The following TTC23L variants were observed in gnomAD, a reference collection of about 807,000 sequenced individuals.
The protein encoded by TTC23L is tetratricopeptide repeat domain 23 like.
A neutral mutation model predicts 48.1 loss-of-function variants in TTC23L; 42 were observed. That is an observed-to-expected ratio of 0.87 (90% CI 0.68 to 1.13). TTC23L has a LOEUF of 1.13. Among genes scored for constraint, TTC23L ranks in the 50% most tolerant of loss-of-function variants. TTC23L has a pLI of 0.00. For synonymous variants in TTC23L, 159 were observed against 157.2 expected, an observed-to-expected ratio of 1.01 and a Z score of -0.09; for missense variants, 391 against 421.0, an observed-to-expected ratio of 0.93 and a Z score of 0.62.
the TTC23L span, chr5:34,905,393 CT>C: frequency 6.6e-6 from 1 of 152,160 alleles, no homozygotes; most frequent in African/African-American, 2.4e-5. Flanking sequence ...ACATTCTGCC[CT>C]TTTAGCAATT....
At chr5:34,876,695 A>G (rs568003428) in intron 8 of TTC23L, among the ~76,000 whole-genome samples, 94 of 152,336 alleles carry the variant, frequency 6.2e-4, no homozygotes, top group African/African-American at 2.1e-3. Context: ...CAAAAGATAG[A>G]AGCAGAGTAG....
the TTC23L span, among the ~76,000 whole-genome samples, chr5:34,912,269 A>G: frequency 6.6e-6 from 1 of 152,192 alleles, no homozygotes; most frequent in African/African-American, 2.4e-5. Context: ...AACTTTTCCA[A>G]CTGGGAGATA....
At chr5:34,867,441 A>C (rs1761149823) in intron 7 of TTC23L, 1 of 237,982 alleles carries the variant, frequency 4.2e-6, no homozygotes, top group Admixed American at 5.1e-5. Context: ...ATGAAAAATC[A>C]TGGTATTTTA....
At chr5:34,850,097 G>A (rs1338411503) in intron 3 of TTC23L, 88 bp from the exon 4 acceptor site, 1 of 1,432,800 alleles carries the variant, frequency 7.0e-7, no homozygotes, top group African/African-American at 1.4e-5. Flanking sequence ...GATGACAGGT[G>A]AATTCAGTCC....
At chr5:34,849,318 T>TA (rs1361481189) in intron 3 of TTC23L, among the ~76,000 whole-genome samples, 2 of 151,952 alleles carry the variant, frequency 1.3e-5, no homozygotes, top group African/African-American at 2.4e-5. Context: ...AGTCGTTTTG[T>TA]AAAAAAAAGA....
At chr5:34,852,087 G>A (rs905960355) in intron 4 of TTC23L, among the ~76,000 whole-genome samples, 3 of 152,038 alleles carry the variant, frequency 2.0e-5, no homozygotes, top group African/African-American at 7.3e-5. Context: ...GTCTTTCTAC[G>A]TTGCCCAGGC....
the TTC23L span, chr5:34,923,417 A>C: frequency 1.7e-6 from 1 of 590,146 alleles, no homozygotes; most frequent in Non-Finnish European, 3.0e-6. Flanking sequence ...AGCTGGGATT[A>C]CAAGCACCCA....
intron 8 of TTC23L, among the ~76,000 whole-genome samples, chr5:34,874,013 T>C (rs1341835447): frequency 6.6e-6 from 1 of 152,160 alleles, no homozygotes; most frequent in East Asian, 1.9e-4. Context: ...GTCTGGTATA[T>C]AAGGAGTTTG....
downstream of TTC23L, among the ~76,000 whole-genome samples, chr5:34,902,665 C>T (rs1236552301): frequency 6.6e-6 from 1 of 152,206 alleles, no homozygotes; most frequent in Non-Finnish European, 1.5e-5. Flanking sequence ...GCCTTGTCCA[C>T]TGACTGGTAG....
Position 34,864,610 on chromosome 5 carries a change from G to A in TTC23L, c.662+48G>A, listed in dbSNP as rs753201765. The A allele has an allele frequency of 7.6e-6, 12 of 1,577,588 alleles. 1 individual carries two copies. In the South Asian group the frequency reaches 1.1e-4, roughly 14 times the overall value. On this transcript the variant is annotated intron_variant, in intron 6 of 10. Transcript: ENST00000505624. The stretch of plus-strand genomic sequence containing the variant: ...CTGAGGCTTTTATGAATGAGGCTTG[G>A]AATTACATGATATAAGGGAGAAAAA...
At chr5:34,855,386 A>C (rs1760041519) in intron 4 of TTC23L, among the ~76,000 whole-genome samples, 1 of 152,208 alleles carries the variant, frequency 6.6e-6, no homozygotes, top group South Asian at 2.1e-4. Flanking sequence ...AAAATATCAA[A>C]GTGTACTTTT....
At chr5:34,850,393 C>G in intron 4 of TTC23L, 85 bp downstream of exon 4, 1 of 1,546,470 alleles carries the variant, frequency 6.5e-7, no homozygotes, top group Non-Finnish European at 8.8e-7. Context: ...ATGGGCATGA[C>G]TAGGAGGGCC....
At chr5:34,919,274 CAAAAAAAAAAA>C in the TTC23L span, among the ~76,000 whole-genome samples, 11 of 35,976 alleles carry the variant, frequency 3.1e-4, no homozygotes, top group East Asian at 2.7e-3. Flanking sequence ...GACCCTGTCT[CAAAAAAAAAAA>C]AAAAAAAAAA....
At chr5:34,866,924 C>T in exon 7 of TTC23L, 1 of 1,607,902 alleles carries the variant, frequency 6.2e-7, no homozygotes, top group Admixed American at 1.7e-5. Context: ...CTGAACCTAG[C>T]TCTGGCATAC....
At chr5:34,883,771 T>C (rs1242733795) in intron 9 of TTC23L, among the ~76,000 whole-genome samples, 3 of 152,146 alleles carry the variant, frequency 2.0e-5, no homozygotes, top group African/African-American at 7.2e-5. Context: ...TCAAAAACCT[T>C]CTTACAAATA....
At chr5:34,897,674 T>G (rs1321024586) in intron 10 of TTC23L, among the ~76,000 whole-genome samples, 1 of 152,188 alleles carries the variant, frequency 6.6e-6, no homozygotes, top group Non-Finnish European at 1.5e-5. Flanking sequence ...AAAGTCTTTT[T>G]GAAATGATCA....
At chr5:34,880,106 A>T in intron 8 of TTC23L, 75 bp from the exon 9 acceptor site, 1 of 1,520,802 alleles carries the variant, frequency 6.6e-7, no homozygotes, top group Non-Finnish European at 8.9e-7. Flanking sequence ...TGAAAATGTC[A>T]ATTGAGCCAA....
At chr5:34,878,162 T>G (rs1761987391) in intron 8 of TTC23L, among the ~76,000 whole-genome samples, 2 of 152,160 alleles carry the variant, frequency 1.3e-5, no homozygotes, top group African/African-American at 4.8e-5. Context: ...TAGCAAAGTA[T>G]TTGTGAAATA....
At chr5:34,915,042 G>C in the TTC23L span, 158 of 749,582 alleles carry the variant, frequency 2.1e-4, no homozygotes, top group African/African-American at 2.6e-3. Context: ...GTGGAAAGGG[G>C]CTGGGAGGCT....
Sources: gnomAD v4.1 joint callset for allele counts (sites outside exome capture counted in the v4.1 genomes callset) on GRCh38, gnomAD v4.1.1 for gene constraint, MANE v1.5 for transcripts, NCBI Gene and HGNC (gene_info 2026-07-23, HGNC 2026-07-21) for gene names.